ARB2A: variants seen among roughly 807,000 people sequenced by gnomAD.
ARB2A encodes ARB2 cotranscriptional regulator A, also known as cotranscriptional regulator ARB2A.
At chr5:93,915,708 T>C in the ARB2A span, among the ~76,000 whole-genome samples, 1 of 152,054 alleles carries the variant, frequency 6.6e-6, no homozygotes, top group Non-Finnish European at 1.5e-5. Flanking sequence ...GCTATCTTTA[T>C]GATTTTATTA....
At chr5:93,763,935 C>T in the ARB2A span, among the ~76,000 whole-genome samples, 1 of 152,174 alleles carries the variant, frequency 6.6e-6, no homozygotes, top group Admixed American at 6.5e-5. Flanking sequence ...GAACAACCTG[C>T]TCCTGAATGA....
the ARB2A span, among the ~76,000 whole-genome samples, chr5:93,896,925 C>T: frequency 2.1e-4 from 32 of 151,964 alleles, no homozygotes; most frequent in East Asian, 1.4e-3. Context: ...TTCCATATTC[C>T]GCACAATATT....
the ARB2A span, among the ~76,000 whole-genome samples, chr5:94,002,465 C>A: frequency 1.3e-5 from 2 of 151,300 alleles, no homozygotes; most frequent in Admixed American, 6.6e-5. Context: ...TTTTTTATGC[C>A]AGCACTCGTT....
At chr5:93,728,849 G>C in the ARB2A span, among the ~76,000 whole-genome samples, 2 of 152,164 alleles carry the variant, frequency 1.3e-5, no homozygotes, top group East Asian at 3.9e-4. Context: ...TTAAATAAAT[G>C]ATCTATTGTG....
At chr5:93,926,644 C>A in the ARB2A span, among the ~76,000 whole-genome samples, 2 of 151,506 alleles carry the variant, frequency 1.3e-5, 1 homozygote, top group East Asian at 3.9e-4. Context: ...ATGGTGGATG[C>A]GATAAAATGC....
At chr5:93,903,967 C>T in the ARB2A span, among the ~76,000 whole-genome samples, 1 of 151,866 alleles carries the variant, frequency 6.6e-6, no homozygotes, top group Admixed American at 6.6e-5. Flanking sequence ...TGTGTTTTCA[C>T]CTGGCTGGCT....
chr5:94,006,900 T>C, the ARB2A span, among the ~76,000 whole-genome samples: 5 of 152,348 alleles, frequency 3.3e-5, no homozygotes, highest in South Asian at 1.0e-3. Context: ...GTGTTAGCTA[T>C]TTCAAAATTA....
the ARB2A span, among the ~76,000 whole-genome samples, chr5:94,101,103 T>C: frequency 3.9e-5 from 6 of 151,952 alleles, no homozygotes; most frequent in Admixed American, 6.6e-5. Flanking sequence ...TAAACAATGT[T>C]CTAAGAGAAA....
the ARB2A span, among the ~76,000 whole-genome samples, chr5:93,764,853 A>T: frequency 6.6e-6 from 1 of 152,344 alleles, no homozygotes; most frequent in Non-Finnish European, 1.5e-5. Flanking sequence ...AGCATGATCA[A>T]GTGGGCTTCA....
At chr5:93,820,455 G>A in the ARB2A span, among the ~76,000 whole-genome samples, 2 of 152,256 alleles carry the variant, frequency 1.3e-5, no homozygotes, top group South Asian at 4.1e-4. Context: ...GTCAAAAACT[G>A]CATTGTTTTA....
chr5:94,002,187 G>T, the ARB2A span, among the ~76,000 whole-genome samples: 1 of 151,858 alleles, frequency 6.6e-6, no homozygotes, highest in East Asian at 1.9e-4. Context: ...AGTTAGGCTT[G>T]GTTAACTAAT....
chr5:93,840,962 A>T, the ARB2A span, among the ~76,000 whole-genome samples: 1 of 152,134 alleles, frequency 6.6e-6, no homozygotes, highest in African/African-American at 2.4e-5. Context: ...ACTGCCACAA[A>T]ATGGGTGTGA....
the ARB2A span, among the ~76,000 whole-genome samples, chr5:93,626,745 G>T: frequency 6.6e-6 from 1 of 152,202 alleles, no homozygotes; most frequent in East Asian, 1.9e-4. Flanking sequence ...TTTTGCTGGT[G>T]GAGGGTCTTG....
chr5:93,643,977 C>A, the ARB2A span, among the ~76,000 whole-genome samples: 1 of 152,152 alleles, frequency 6.6e-6, no homozygotes, highest in African/African-American at 2.4e-5. Flanking sequence ...TCTTTCAAAA[C>A]AGGTAGTATT....
At chr5:93,630,101 TAAAATA>T in the ARB2A span, among the ~76,000 whole-genome samples, 1 of 152,066 alleles carries the variant, frequency 6.6e-6, no homozygotes, top group Non-Finnish European at 1.5e-5. Flanking sequence ...TAAAAAGAAA[TAAAATA>T]TAACTACTAA....
chr5:93,855,840 G>T, the ARB2A span, among the ~76,000 whole-genome samples: 1 of 151,932 alleles, frequency 6.6e-6, no homozygotes, highest in Non-Finnish European at 1.5e-5. Flanking sequence ...AAGACCAAAA[G>T]TAGATAAAAC....
At chr5:94,072,510 C>T in the ARB2A span, among the ~76,000 whole-genome samples, 26 of 152,090 alleles carry the variant, frequency 1.7e-4, no homozygotes, top group South Asian at 4.8e-3. Flanking sequence ...AAATAATGAT[C>T]GTAACAACTC....
chr5:94,076,883 A>G, the ARB2A span, among the ~76,000 whole-genome samples: 1 of 152,190 alleles, frequency 6.6e-6, no homozygotes, highest in Non-Finnish European at 1.5e-5. Flanking sequence ...AGAACAATAC[A>G]TATAATTATG....
the ARB2A span, among the ~76,000 whole-genome samples, chr5:93,674,066 A>G: frequency 6.6e-6 from 1 of 152,262 alleles, no homozygotes; most frequent in African/African-American, 2.4e-5. Context: ...CACTTAAGCA[A>G]CATAGTTATA....
Sources: allele counts gnomAD v4.1 joint callset (sites outside exome capture counted in the v4.1 genomes callset), GRCh38; gene constraint gnomAD v4.1.1; transcripts MANE v1.5; gene names NCBI Gene and HGNC (gene_info 2026-07-23, HGNC 2026-07-21).